AGMO: variants seen among roughly 807,000 people sequenced by gnomAD.
AGMO encodes alkylglycerol monooxygenase, also known as glyceryl-ether monooxygenase.
A neutral mutation model predicts 60.2 loss-of-function variants in AGMO; 75 were observed. The ratio of observed to expected loss-of-function variants is 1.25; its 90% confidence interval spans 1.03 to 1.51. The LOEUF (loss-of-function observed/expected upper bound fraction) is 1.51. Ranked by LOEUF, AGMO falls within the 40% of genes most tolerant of loss-of-function variation. The pLI, the probability that AGMO is intolerant of heterozygous loss-of-function variation, is 0.00. For missense variants in AGMO, 763 were observed against 525.5 expected (o/e 1.45, Z -4.42); for synonymous variants, 261 against 177.1 (o/e 1.47, Z -3.76).
Position 15,423,521 on chromosome 7 carries a change from G to T in AGMO, c.514-4868C>A, listed in dbSNP as rs180974493. The stretch of plus-strand genomic sequence containing the variant: ...AGCCACACTCATACTGTTATGAGTT[G>T]AATTGATTTTCATTAACATGGTGTG... On this transcript the variant is annotated intron_variant, in intron 4 of 12. Transcript: ENST00000342526. Among the ~76,000 whole-genome samples the T allele has an allele frequency of 1.6e-4, 14 of 86,804 alleles. No individual in the cohort carries two copies. In the East Asian group the frequency reaches 2.9e-3, roughly 18 times the overall value. The allele number at this position is 86,804 out of a possible 152,430, so 56.9% of individuals were successfully genotyped here.
chr7:15,408,358 T>C (rs1382024481), intron 5 of AGMO, among the ~76,000 whole-genome samples: 1 of 151,788 alleles, frequency 6.6e-6, no homozygotes, highest in Non-Finnish European at 1.5e-5. Flanking sequence ...TCACAATTGT[T>C]GTATGAAAAT....
At chr7:15,323,076 T>C (rs1455444496) in intron 12 of AGMO, among the ~76,000 whole-genome samples, 1 of 151,620 alleles carries the variant, frequency 6.6e-6, no homozygotes. Context: ...GGAAAGAAAT[T>C]AGACTATCTA....
intron 5 of AGMO, among the ~76,000 whole-genome samples, chr7:15,414,850 G>A (rs1292847574): frequency 1.3e-5 from 2 of 151,944 alleles, no homozygotes; most frequent in African/African-American, 4.8e-5. Flanking sequence ...AAACATATGT[G>A]GTCAACTTTT....
At chr7:15,534,822 C>A (rs1784450124) in intron 3 of AGMO, among the ~76,000 whole-genome samples, 1 of 151,432 alleles carries the variant, frequency 6.6e-6, no homozygotes, top group African/African-American at 2.4e-5. Context: ...TAAATTTAAC[C>A]CTGAATTTTG....
intron 12 of AGMO, chr7:15,306,171 G>T (rs1780605910): frequency 1.0e-5 from 2 of 195,312 alleles, no homozygotes; most frequent in Non-Finnish European, 2.1e-5. Context: ...ACATCACATT[G>T]TACTCATCTT....
chr7:15,176,882 C>T, the AGMO span, among the ~76,000 whole-genome samples: 1 of 151,924 alleles, frequency 6.6e-6, no homozygotes, highest in East Asian at 1.9e-4. Context: ...CACAACTAAA[C>T]AGAAGTATAA....
intron 5 of AGMO, among the ~76,000 whole-genome samples, chr7:15,399,825 T>C (rs1784508138): frequency 6.6e-6 from 1 of 152,152 alleles, no homozygotes; most frequent in African/African-American, 2.4e-5. Context: ...AACCAAACAA[T>C]GTCCAAAACT....
chr7:15,229,044 A>G (rs1782173280), intron 12 of AGMO, among the ~76,000 whole-genome samples: 1 of 152,224 alleles, frequency 6.6e-6, no homozygotes, highest in African/African-American at 2.4e-5. Flanking sequence ...TATGACTTGT[A>G]ATGGGATGTT....
intron 10 of AGMO, among the ~76,000 whole-genome samples, chr7:15,384,595 T>C (rs1027208937): frequency 2.0e-5 from 3 of 152,168 alleles, no homozygotes; most frequent in African/African-American, 7.2e-5. Context: ...AGAGTTACCA[T>C]GTAACTTTCA....
At position 15,310,988 on chromosome 7, in the gene AGMO, AACACTTCTG is replaced by A. The variant is rs1288757991; in HGVS notation, c.1263+54517_1263+54525del. 5.3e-5 allele frequency among the ~76,000 whole-genome samples: 8 copies of A among 152,178 alleles called. No homozygotes were observed. In the East Asian group the frequency reaches 1.6e-3, roughly 30 times the overall value. On this transcript the variant is annotated intron_variant, in intron 12 of 12. Transcript: ENST00000342526. ...CCCGCCTCCCTCTTCCATTTCTAAA[AACACTTCTG>A]ACGGCATGAGGCCCACCTGGACAAT...
chr7:15,288,598 GGAGAAA>G (rs1784166157), intron 12 of AGMO, among the ~76,000 whole-genome samples: 1 of 151,938 alleles, frequency 6.6e-6, no homozygotes, highest in South Asian at 2.1e-4. Context: ...AGACATGAAA[GGAGAAA>G]GAATCCTATA....
rs572678099 is a variant in AGMO, at chr7:15,381,461, C to T, written c.1074+3985G>A. 2.0e-5 allele frequency among the ~76,000 whole-genome samples: 3 copies of T among 151,970 alleles called. No homozygotes were observed. The South Asian group carries it at 6.2e-4, about 32-fold the overall frequency. Reference sequence around the variant, plus strand: ...CACTGACTGTTAGAGAAATGCAAATCAAAACCACAATGGTGTACCATCTCC... The same window carrying T: ...CACTGACTGTTAGAGAAATGCAAATTAAAACCACAATGGTGTACCATCTCC... On this transcript the variant is annotated intron_variant, in intron 10 of 12. Coordinates refer to ENST00000342526, the MANE Select transcript of AGMO (RefSeq NM_001004320.2).
chr7:15,192,372 C>A, the AGMO span, among the ~76,000 whole-genome samples: 3 of 152,008 alleles, frequency 2.0e-5, no homozygotes, highest in African/African-American at 7.2e-5. Context: ...GAAGGAGCAT[C>A]TGAACACTGA....
At chr7:15,211,389 A>G (rs11984306) in intron 12 of AGMO, among the ~76,000 whole-genome samples, 27,571 of 151,972 alleles carry the variant, frequency 0.18, 2,745 homozygotes, top group East Asian at 0.37. Flanking sequence ...GTTGGTGGTC[A>G]TAAGTTAAAA....
chr7:15,361,496 C>A (rs1293997950), intron 12 of AGMO, among the ~76,000 whole-genome samples: 1 of 131,446 alleles, frequency 7.6e-6, no homozygotes, highest in African/African-American at 2.9e-5. Flanking sequence ...GCCGAGATCG[C>A]GCCACTGTGC....
intron 12 of AGMO, among the ~76,000 whole-genome samples, chr7:15,242,671 T>C (rs1006191242): frequency 2.0e-5 from 3 of 152,142 alleles, no homozygotes; most frequent in Admixed American, 6.5e-5. Context: ...TCAATAAAAC[T>C]GAGATAGAAA....
At chr7:15,254,648 A>G (rs2128507571) in intron 12 of AGMO, among the ~76,000 whole-genome samples, 1 of 152,288 alleles carries the variant, frequency 6.6e-6, no homozygotes, top group South Asian at 2.1e-4. Flanking sequence ...GAAATAATAA[A>G]AATCAGAGCA....
intron 12 of AGMO, among the ~76,000 whole-genome samples, chr7:15,240,962 T>C (rs1279086947): frequency 3.3e-5 from 5 of 152,200 alleles, no homozygotes; most frequent in African/African-American, 4.8e-5. Context: ...ACTAGGTCTT[T>C]CTCCATCTAT....
chr7:15,554,815 A>G (rs1785078173), intron 2 of AGMO, among the ~76,000 whole-genome samples: 1 of 152,052 alleles, frequency 6.6e-6, no homozygotes, highest in Non-Finnish European at 1.5e-5. Flanking sequence ...GAAACTAATT[A>G]GTTTTCAAAG....
Sources: allele counts gnomAD v4.1 joint callset (sites outside exome capture counted in the v4.1 genomes callset), GRCh38; gene constraint gnomAD v4.1.1; transcripts MANE v1.5; gene names NCBI Gene and HGNC (gene_info 2026-07-23, HGNC 2026-07-21).